ZNF616: variants seen among roughly 807,000 people sequenced by gnomAD.
The protein encoded by ZNF616 is zinc finger protein 616.
In ZNF616, 5 loss-of-function variants were observed where a neutral mutation model predicts 7.6. That is an observed-to-expected ratio of 0.66 (90% CI 0.34 to 1.38). The LOEUF (loss-of-function observed/expected upper bound fraction) is 1.38. Among genes scored for constraint, ZNF616 ranks in the 40% most tolerant of loss-of-function variants. ZNF616 has a pLI of 0.04. For missense variants in ZNF616, 913 were observed against 948.3 expected, an observed-to-expected ratio of 0.96 and a Z score of 0.49; for synonymous variants, 319 against 317.2, an observed-to-expected ratio of 1.01 and a Z score of -0.06.
intron 1 of ZNF616, among the ~76,000 whole-genome samples, chr19:52,133,469 C>T (rs1352035663): frequency 6.6e-6 from 1 of 152,132 alleles, no homozygotes; most frequent in African/African-American, 2.4e-5. Flanking sequence ...GCCTGGTTCA[C>T]AGGTAAACGG....
chr19:52,125,788 G>C (rs1007102073), intron 2 of ZNF616, among the ~76,000 whole-genome samples: 2 of 152,192 alleles, frequency 1.3e-5, no homozygotes, highest in African/African-American at 4.8e-5. Flanking sequence ...AGCACTGAAA[G>C]GAACAGGATG....
chr19:52,115,315 C>T lies in ZNF616; in HGVS notation c.1849G>A (p.Gly617Ser), dbSNP rs746037776. The T allele has an allele frequency of 1.2e-6, 2 of 1,612,912 alleles. No individual in the cohort carries two copies. The highest frequency in any genetic ancestry group is 2.7e-5 in the African/African-American group (2 of 74,532). ...CHECGKAFNQ[G>S]STLNRHQRIH... ...CTCTGATGTCTATTGAGTGTGGAGCCCTGATTAAAGGCTTTGCCACATTCA... is the reference window on the plus strand; with the variant it reads ...CTCTGATGTCTATTGAGTGTGGAGCTCTGATTAAAGGCTTTGCCACATTCA... The change falls in exon 4 of 4, where the codon GGC becomes AGC. Residue 617 changes from glycine to serine, a missense_variant. Transcript: ENST00000600228.
At chr19:52,121,070 G>A (rs2088861269) in intron 3 of ZNF616, among the ~76,000 whole-genome samples, 1 of 151,900 alleles carries the variant, frequency 6.6e-6, no homozygotes. Flanking sequence ...CTTCTTTTTT[G>A]TTGAGGCTGA....
intron 2 of ZNF616, among the ~76,000 whole-genome samples, chr19:52,128,183 C>T (rs1193589248): frequency 8.3e-6 from 1 of 120,064 alleles, no homozygotes; most frequent in African/African-American, 3.6e-5. Flanking sequence ...ATTTCCCACC[C>T]AATAAAAAAA....
In ZNF616 at chr19:52,115,903, G is replaced by A. The variant is rs750332191; in HGVS notation, c.1261C>T (p.Arg421Cys). The change falls in exon 4 of 4, where the codon CGT (arginine) becomes TGT (cysteine). Residue 421 changes from arginine (R) to cysteine (C), a missense_variant. Coordinates refer to ENST00000600228, the MANE Select transcript of ZNF616 (RefSeq NM_178523.5). ...CNECGKVFSK[R>C]SSLAVHQRIH... The stretch of plus-strand genomic sequence containing the variant: ...CTCTGATGCACTGCAAGACTTGAAC[G>A]TTTACTGAAGACCTTGCCACATTCA... The A allele has an allele frequency of 1.8e-5, 29 of 1,613,792 alleles. No homozygotes were observed. Among genetic ancestry groups the A allele is most frequent in the Admixed American group, 8.3e-5 (5 of 60,014 alleles).
At chr19:52,121,221 A>C (rs1162999979) in intron 3 of ZNF616, among the ~76,000 whole-genome samples, 1 of 152,126 alleles carries the variant, frequency 6.6e-6, no homozygotes, top group Admixed American at 6.6e-5. Context: ...CGCCCAGCTA[A>C]TTTTTGTATT....
At chr19:52,137,933 A>G (rs779644020) in intron 1 of ZNF616, among the ~76,000 whole-genome samples, 1 of 152,240 alleles carries the variant, frequency 6.6e-6, no homozygotes, top group Non-Finnish European at 1.5e-5. Context: ...TAAAGCAACT[A>G]CAAGGAAAAA....
rs2088949472 is a variant in ZNF616, at chr19:52,130,560, C to T, written c.-48G>A. ...TTCTTCCTCTTCTGGGTTTCTTTCT[C>T]AGTCAATGTAATTATTCACACATCA... On this transcript the variant is annotated 5_prime_UTR_variant, in exon 2 of 4. Transcript: ENST00000600228. 1.3e-6 allele frequency: 2 copies of T among 1,591,744 alleles called. No homozygotes were observed. Among genetic ancestry groups the T allele is most frequent in the Non-Finnish European group, 1.7e-6 (2 of 1,171,484 alleles).
intron 1 of ZNF616, among the ~76,000 whole-genome samples, chr19:52,132,931 T>C (rs1171804876): frequency 2.0e-5 from 3 of 152,054 alleles, no homozygotes. Context: ...CTTTCCCACA[T>C]TGAGAAACAT....
At chr19:52,131,333 C>A (rs1299105909) in intron 1 of ZNF616, among the ~76,000 whole-genome samples, 1 of 151,584 alleles carries the variant, frequency 6.6e-6, no homozygotes, top group Non-Finnish European at 1.5e-5. Flanking sequence ...GGGCCCCACC[C>A]TAACTACTGG....
Position 52,114,874 on chromosome 19 carries a change from G to C in ZNF616, c.2290C>G (p.Arg764Gly), listed in dbSNP as rs776142990. The C allele has an allele frequency of 9.1e-5, 147 of 1,611,256 alleles. No homozygotes were observed. The highest frequency in any genetic ancestry group is 1.2e-4 in the Non-Finnish European group (142 of 1,178,564). Residue 764 changes from arginine (R) to glycine (G), a missense_variant, in exon 4 of 4, where the codon CGA becomes GGA. Coordinates refer to ENST00000600228, the MANE Select transcript of ZNF616 (RefSeq NM_178523.5). ...AGGCTCTCTCCAGTATGTCTTATTC[G>C]ATGTTTAGTGAGGCCTGAGCGACAA... ...FICRSGLTKH[R>G]IRHTGESLTT...
At chr19:52,120,053 CAGA>C (rs1230561104) in intron 3 of ZNF616, among the ~76,000 whole-genome samples, 29 of 152,052 alleles carry the variant, frequency 1.9e-4, no homozygotes, top group African/African-American at 6.5e-4. Context: ...ACTTGGGATG[CAGA>C]AGAAGACACG....
At chr19:52,136,234 A>G (rs2089006630) in intron 1 of ZNF616, among the ~76,000 whole-genome samples, 1 of 151,796 alleles carries the variant, frequency 6.6e-6, no homozygotes, top group Admixed American at 6.6e-5. Flanking sequence ...TAATCCTAGC[A>G]CTTTGGGAAG....
rs1313718751 is a variant in ZNF616, at chr19:52,124,005, C to T, written c.57G>A (p.Glu19=). ...GCACAGGCTCCAGGCATTTCCACTC[C>T]TCCTGAGAGAATTCTATGGCTACAT... The part of the protein sequence containing the change: ...FKDVAIEFSQ[E]EWKCLEPVQK... The change falls in exon 3 of 4, where the codon GAG becomes GAA. Residue 19 remains glutamate (E), a synonymous_variant. Transcript: ENST00000600228. 1.2e-6 allele frequency: 2 copies of T among 1,613,178 alleles called. No individual in the cohort carries two copies. The highest frequency in any genetic ancestry group is 1.1e-5 in the South Asian group (1 of 90,796).
intron 1 of ZNF616, among the ~76,000 whole-genome samples, chr19:52,130,957 A>C (rs1488237905): frequency 1.3e-5 from 2 of 152,190 alleles, no homozygotes; most frequent in African/African-American, 4.8e-5. Flanking sequence ...CTGGAAGCTC[A>C]ATGCTGGATA....
At chr19:52,122,755 C>T (rs2088874155) in intron 3 of ZNF616, among the ~76,000 whole-genome samples, 1 of 151,672 alleles carries the variant, frequency 6.6e-6, no homozygotes, top group Non-Finnish European at 1.5e-5. Flanking sequence ...CTGCCTCTGC[C>T]TCCTGAGTAG....
In ZNF616 at chr19:52,115,584, C is replaced by A. The variant is rs368693673; in HGVS notation, c.1580G>T (p.Gly527Val). 1.2e-6 allele frequency: 2 copies of A among 1,613,910 alleles called. No homozygotes were observed. Among genetic ancestry groups the A allele is most frequent in the African/African-American group, 1.3e-5 (1 of 74,930 alleles). The change falls in exon 4 of 4, where the codon GGC becomes GTC. Residue 527 changes from glycine (G) to valine (V), a missense_variant. Physicochemically the swap from Gly to Val is moderately radical, Grantham distance 109 (BLOSUM62 -3). Coordinates refer to ENST00000600228, the MANE Select transcript of ZNF616 (RefSeq NM_178523.5). ...AGCTGAACGGTCACTGAAGACCTTG[C>A]CACATTCTTTGCATTTGTAAGGTTT... is the stretch of plus-strand genomic sequence containing the variant. ...GEKPYKCKEC[G>V]KVFSDRSAFA...
chr19:52,123,920 C>T lies in ZNF616; in HGVS notation c.139+3G>A, dbSNP rs780517139. ...TGAACTTCTAGAAGGAAATTATACT[C>T]ACCTAGGAAGACCAGGTTCCTATAG... On this transcript the variant is annotated splice_donor_region_variant and intron_variant, in intron 3 of 3. Transcript: ENST00000600228. 17 of 1,613,742 alleles carry T rather than the reference C, an allele frequency of 1.1e-5. No individual in the cohort carries two copies. Among genetic ancestry groups the T allele is most frequent in the Non-Finnish European group, 1.4e-5 (17 of 1,179,898 alleles).
At chr19:52,129,048 G>A (rs944167308) in intron 2 of ZNF616, among the ~76,000 whole-genome samples, 2 of 151,754 alleles carry the variant, frequency 1.3e-5, no homozygotes, top group African/African-American at 2.4e-5. Context: ...TGAGGCAGGC[G>A]GATCATCTGA....
Sources: gnomAD v4.1 joint callset for allele counts (sites outside exome capture counted in the v4.1 genomes callset) on GRCh38, gnomAD v4.1.1 for gene constraint, MANE v1.5 for transcripts, NCBI Gene and HGNC (gene_info 2026-07-23, HGNC 2026-07-21) for gene names.